KIAA1217: variants seen among roughly 807,000 people sequenced by gnomAD.
KIAA1217 encodes the protein KIAA1217, also known as sickle tail protein homolog.
In KIAA1217, 88 loss-of-function variants were observed where a neutral mutation model predicts 163.9. That is an observed-to-expected ratio of 0.54 (90% CI 0.45 to 0.64). The LOEUF (loss-of-function observed/expected upper bound fraction) is 0.64, where lower values mean the gene tolerates loss of function less well. Among genes scored for constraint, KIAA1217 ranks in the 30% least tolerant of loss-of-function variants. KIAA1217 has a pLI of 0.00. For missense variants in KIAA1217, 2,372 were observed against 2,475.0 expected (o/e 0.96, Z 0.88); for synonymous variants, 903 against 923.1 (o/e 0.98, Z 0.39).
At chr10:24,047,815 G>A (rs960216863) in intron 2 of KIAA1217, among the ~76,000 whole-genome samples, 1 of 152,164 alleles carries the variant, frequency 6.6e-6, no homozygotes, top group African/African-American at 2.4e-5. Flanking sequence ...ATTTATTCTG[G>A]ACCCTGCTGA....
At chr10:23,836,696 G>A (rs565104992) in intron 1 of KIAA1217, among the ~76,000 whole-genome samples, 6 of 151,864 alleles carry the variant, frequency 4.0e-5, no homozygotes, top group South Asian at 2.1e-4. Context: ...AAGCCGAGGC[G>A]GGAGGATTGC....
intron 2 of KIAA1217, among the ~76,000 whole-genome samples, chr10:24,250,535 C>T (rs1045927081): frequency 2.0e-5 from 3 of 150,956 alleles, no homozygotes; most frequent in Non-Finnish European, 4.4e-5. Flanking sequence ...CAGGTTCAAG[C>T]GATTCTCCTG....
intron 2 of KIAA1217, among the ~76,000 whole-genome samples, chr10:24,028,012 T>C (rs943147529): frequency 6.6e-6 from 1 of 152,138 alleles, no homozygotes; most frequent in Non-Finnish European, 1.5e-5. Flanking sequence ...GAGGAATACA[T>C]GAGTTAACAT....
rs576327516 is a variant in KIAA1217, at chr10:24,544,238, T to C, written c.4968T>C (p.Asp1656=). The part of the protein sequence containing the change: ...IESTSPISRT[D]EIRKNTYRTL... ...GTACATCTCCGATTTCAAGAACTGA[T>C]GAAATTAGAAAAAACACCTACAGAA... The change falls in exon 19 of 21, where the codon GAT becomes GAC. Residue 1656 remains aspartate (D), a synonymous_variant. Coordinates refer to ENST00000376454, the MANE Select transcript of KIAA1217 (RefSeq NM_019590.5). The C allele has an allele frequency of 6.2e-7, 1 of 1,613,908 alleles. No homozygotes were observed. Among genetic ancestry groups the C allele is most frequent in the Non-Finnish European group, 8.5e-7 (1 of 1,179,920 alleles).
chr10:24,200,301 C>T (rs1344704014), intron 2 of KIAA1217, among the ~76,000 whole-genome samples: 1 of 151,802 alleles, frequency 6.6e-6, no homozygotes, highest in South Asian at 2.1e-4. Flanking sequence ...CTCAAACTCC[C>T]GGGCTTCCGG....
intron 2 of KIAA1217, among the ~76,000 whole-genome samples, chr10:24,201,215 G>A (rs975708650): frequency 1.3e-5 from 2 of 152,124 alleles, no homozygotes; most frequent in Non-Finnish European, 2.9e-5. Flanking sequence ...AGGTTGCAGT[G>A]AGCCAAGTTC....
chr10:24,422,824 C>T (rs1033105151), intron 3 of KIAA1217, among the ~76,000 whole-genome samples: 1 of 151,646 alleles, frequency 6.6e-6, no homozygotes, highest in Non-Finnish European at 1.5e-5. Flanking sequence ...CCAAGCAGAA[C>T]TCTGCCCAGT....
intron 2 of KIAA1217, among the ~76,000 whole-genome samples, chr10:24,078,668 G>T (rs76225932): frequency 6.6e-6 from 1 of 152,108 alleles, no homozygotes; most frequent in Non-Finnish European, 1.5e-5. Flanking sequence ...CAGCATTCTT[G>T]TTCCATGAGA....
At chr10:24,249,932 G>A (rs1241094314) in intron 2 of KIAA1217, among the ~76,000 whole-genome samples, 3 of 152,150 alleles carry the variant, frequency 2.0e-5, no homozygotes, top group Non-Finnish European at 1.5e-5. Flanking sequence ...TTCCAAACAC[G>A]ACTATCACAA....
chr10:23,836,599 T>G (rs1251885643), intron 1 of KIAA1217, among the ~76,000 whole-genome samples: 1 of 150,430 alleles, frequency 6.6e-6, no homozygotes, highest in Non-Finnish European at 1.5e-5. Context: ...AGCAATGAGG[T>G]CTTGGTTTTT....
At position 24,472,210 on chromosome 10, in the gene KIAA1217, C is replaced by T. The variant is rs117945339; in HGVS notation, c.847-1018C>T. 9.3e-4 allele frequency among the ~76,000 whole-genome samples: 141 copies of T among 152,316 alleles called. 1 individual carries two copies. In the East Asian group the frequency reaches 0.021, roughly 23 times the overall value. ...AGGAAGAGAAGGGCTTGGCCTTGCT[C>T]TCTCAGGAGTGGCAGGGGAGGGAGG... On this transcript the variant is annotated intron_variant, in intron 5 of 20. Coordinates refer to ENST00000376454, the MANE Select transcript of KIAA1217 (RefSeq NM_019590.5).
chr10:23,904,079 A>G (rs1245284608), intron 1 of KIAA1217, among the ~76,000 whole-genome samples: 3 of 152,152 alleles, frequency 2.0e-5, no homozygotes, highest in Non-Finnish European at 2.9e-5. Context: ...AGTTCTACAA[A>G]CTGAATGACT....
At chr10:24,005,091 G>A (rs538151181) in intron 1 of KIAA1217, among the ~76,000 whole-genome samples, 10 of 152,288 alleles carry the variant, frequency 6.6e-5, no homozygotes, top group Non-Finnish European at 1.3e-4. Flanking sequence ...AATGGGCTAC[G>A]GAGTTAGACT....
intron 2 of KIAA1217, among the ~76,000 whole-genome samples, chr10:24,377,350 A>G (rs779078888): frequency 1.9e-4 from 29 of 152,216 alleles, no homozygotes; most frequent in Non-Finnish European, 3.8e-4. Flanking sequence ...AGTCCTGCTC[A>G]CGTGGCTCAG....
chr10:24,395,328 G>A (rs137896782), intron 3 of KIAA1217, among the ~76,000 whole-genome samples: 35 of 152,248 alleles, frequency 2.3e-4, no homozygotes, highest in East Asian at 1.9e-4. Flanking sequence ...CTGTTGCTCC[G>A]GTCTTGGAGG....
rs75359289 is a variant in KIAA1217 at position 24,228,234 on chromosome 10, C to A, written c.354+8325C>A. 3.8e-3 allele frequency among the ~76,000 whole-genome samples: 582 copies of A among 152,034 alleles called. 2 individuals are homozygous for A. The highest frequency in any genetic ancestry group is 5.3e-3 in the Non-Finnish European group (360 of 67,980). On this transcript the variant is annotated intron_variant, in intron 2 of 20. Transcript: ENST00000376454. ...CTGTGATTGTACCACTGCACTTCAC[C>A]CTGGGCAGCAGAACGAGACCCCTTC... is the stretch of plus-strand genomic sequence containing the variant.
intron 2 of KIAA1217, among the ~76,000 whole-genome samples, chr10:24,102,809 T>G (rs1475504214): frequency 6.6e-6 from 1 of 152,228 alleles, no homozygotes; most frequent in African/African-American, 2.4e-5. Context: ...TATGTTTGGC[T>G]GTGTCCCTAC....
intron 2 of KIAA1217, among the ~76,000 whole-genome samples, chr10:24,254,818 G>A (rs2074965488): frequency 6.6e-6 from 1 of 151,844 alleles, no homozygotes. Context: ...GGATACTGGG[G>A]AACTATAAAT....
chr10:24,524,895 G>A, intron 13 of KIAA1217, 131 bp downstream of exon 13: 3 of 820,046 alleles, frequency 3.7e-6, no homozygotes, highest in Non-Finnish European at 5.6e-6. Flanking sequence ...GGAAGTGGAA[G>A]TGGGATTCAG....
Sources: allele counts gnomAD v4.1 joint callset (sites outside exome capture counted in the v4.1 genomes callset), GRCh38; gene constraint gnomAD v4.1.1; transcripts MANE v1.5; gene names NCBI Gene and HGNC (gene_info 2026-07-23, HGNC 2026-07-21).